IGF2BP2: variants seen among roughly 807,000 people sequenced by gnomAD.
IGF2BP2 encodes the protein insulin like growth factor 2 mRNA binding protein 2.
A neutral mutation model predicts 75.8 loss-of-function variants in IGF2BP2; 17 were observed. That is an observed-to-expected ratio of 0.22 (90% CI 0.15 to 0.34). The LOEUF (loss-of-function observed/expected upper bound fraction) is 0.34. Among genes scored for constraint, IGF2BP2 ranks in the 10% least tolerant of loss-of-function variants. The pLI, the probability that IGF2BP2 is intolerant of heterozygous loss-of-function variation, is 1.00. For synonymous variants in IGF2BP2, 288 were observed against 295.6 expected (o/e 0.97, Z 0.26); for missense variants, 516 against 772.4 (o/e 0.67, Z 3.93).
intron 2 of IGF2BP2, among the ~76,000 whole-genome samples, chr3:185,754,543 C>G (rs1330687303): frequency 1.3e-5 from 2 of 152,086 alleles, no homozygotes; most frequent in Non-Finnish European, 2.9e-5. Context: ...GGGTAATGGG[C>G]AGAGGATGGA....
chr3:185,788,162 G>T (rs1460021785), intron 2 of IGF2BP2, among the ~76,000 whole-genome samples: 1 of 152,126 alleles, frequency 6.6e-6, no homozygotes, highest in Non-Finnish European at 1.5e-5. Flanking sequence ...GTATTTGGGA[G>T]ACCCCACATT....
At chr3:185,661,493 C>T (rs975890428) in intron 10 of IGF2BP2, among the ~76,000 whole-genome samples, 9 of 151,826 alleles carry the variant, frequency 5.9e-5, no homozygotes, top group African/African-American at 1.2e-4. Context: ...AAAAATTAGC[C>T]GGGCGTGGTG....
intron 10 of IGF2BP2, among the ~76,000 whole-genome samples, chr3:185,662,317 A>G (rs1294979527): frequency 6.6e-6 from 1 of 151,838 alleles, no homozygotes; most frequent in Admixed American, 6.6e-5. Flanking sequence ...ACTTCTACCC[A>G]AAATACAAAA....
At chr3:185,757,459 CTTTT>C (rs57417087) in intron 2 of IGF2BP2, among the ~76,000 whole-genome samples, 4 of 99,606 alleles carry the variant, frequency 4.0e-5, no homozygotes, top group Admixed American at 1.2e-4. Flanking sequence ...ATATCTCATA[CTTTT>C]TTTTTTTTTT....
chr3:185,768,203 CTT>C, intron 2 of IGF2BP2, among the ~76,000 whole-genome samples: 1 of 152,296 alleles, frequency 6.6e-6, no homozygotes, highest in South Asian at 2.1e-4. Context: ...TTATTTAGCT[CTT>C]TACCTCCTAC....
chr3:185,752,747 C>T (rs971774453), intron 2 of IGF2BP2, among the ~76,000 whole-genome samples: 5 of 152,012 alleles, frequency 3.3e-5, no homozygotes, highest in Admixed American at 3.3e-4. Context: ...CATGTGTGTG[C>T]CACCACACCC....
At chr3:185,801,489 CAAAA>C (rs35823870) in intron 2 of IGF2BP2, among the ~76,000 whole-genome samples, 4 of 51,660 alleles carry the variant, frequency 7.7e-5, no homozygotes, top group African/African-American at 6.7e-5. Context: ...AACTCCATCT[CAAAA>C]AAAAAAAAAA....
intron 2 of IGF2BP2, among the ~76,000 whole-genome samples, chr3:185,747,189 A>G (rs1202145110): frequency 6.6e-6 from 1 of 152,198 alleles, no homozygotes; most frequent in Admixed American, 6.5e-5. Flanking sequence ...TAACTTAACA[A>G]TTTATAAATA....
chr3:185,796,722 T>C (rs1041234776), intron 2 of IGF2BP2, among the ~76,000 whole-genome samples: 8 of 152,108 alleles, frequency 5.3e-5, no homozygotes, highest in Admixed American at 3.3e-4. Flanking sequence ...CAGAGTGTAG[T>C]ACCTGTATAC....
chr3:185,792,939 T>C (rs967905176), intron 2 of IGF2BP2, among the ~76,000 whole-genome samples: 3 of 151,886 alleles, frequency 2.0e-5, no homozygotes, highest in Admixed American at 6.6e-5. Flanking sequence ...CTCTTCCTCC[T>C]CTATCTCAGC....
At chr3:185,686,874 A>C (rs1220238792) in intron 7 of IGF2BP2, among the ~76,000 whole-genome samples, 183 bp downstream of exon 7, 1 of 152,080 alleles carries the variant, frequency 6.6e-6, no homozygotes, top group Admixed American at 6.6e-5. Flanking sequence ...AGCCATATGT[A>C]AATGCAAAAG....
intron 10 of IGF2BP2, among the ~76,000 whole-genome samples, chr3:185,665,380 G>A (rs1398585974): frequency 2.3e-5 from 3 of 128,824 alleles, no homozygotes; most frequent in Non-Finnish European, 3.4e-5. Context: ...GGAGAAGGAG[G>A]AGGAGGAGAA....
intron 2 of IGF2BP2, among the ~76,000 whole-genome samples, chr3:185,808,117 TAAAAA>T (rs1188624871): frequency 2.3e-5 from 3 of 128,070 alleles, no homozygotes; most frequent in South Asian, 2.6e-4. Flanking sequence ...TCGTTTCTTT[TAAAAA>T]AAAAAAAAAA....
chr3:185,786,704 G>A (rs1468004148), intron 2 of IGF2BP2, among the ~76,000 whole-genome samples: 1 of 152,132 alleles, frequency 6.6e-6, no homozygotes, highest in East Asian at 1.9e-4. Context: ...CACAAAGCCT[G>A]TTTGGTGGTC....
At chr3:185,771,317 T>A (rs1460632727) in intron 2 of IGF2BP2, among the ~76,000 whole-genome samples, 4 of 151,464 alleles carry the variant, frequency 2.6e-5, no homozygotes, top group Non-Finnish European at 1.5e-5. Context: ...GGTGCACGCC[T>A]ATAATCCCAG....
chr3:185,731,856 C>T (rs1351950734), intron 2 of IGF2BP2, among the ~76,000 whole-genome samples: 1 of 151,978 alleles, frequency 6.6e-6, no homozygotes, highest in African/African-American at 2.4e-5. Context: ...GGGGCGGGTG[C>T]CTGTAGTCCC....
intron 10 of IGF2BP2, among the ~76,000 whole-genome samples, chr3:185,666,294 T>C (rs972753567): frequency 1.3e-5 from 2 of 152,226 alleles, no homozygotes; most frequent in Non-Finnish European, 2.9e-5. Context: ...AGTAAAAGTT[T>C]AGTTAATTCT....
chr3:185,704,169 T>G (rs1241417435), intron 2 of IGF2BP2, among the ~76,000 whole-genome samples: 3 of 152,220 alleles, frequency 2.0e-5, no homozygotes, highest in African/African-American at 7.2e-5. Context: ...TTTCCTCATG[T>G]GCATTACCTG....
chr3:185,665,967 TAGATAGAC>T (rs925094526), intron 10 of IGF2BP2, among the ~76,000 whole-genome samples: 1 of 151,184 alleles, frequency 6.6e-6, no homozygotes, highest in Non-Finnish European at 1.5e-5. Context: ...ACTCTGTCTC[TAGATAGAC>T]AGATAGATAG....
Sources: gnomAD v4.1 joint callset for allele counts (sites outside exome capture counted in the v4.1 genomes callset) on GRCh38, gnomAD v4.1.1 for gene constraint, MANE v1.5 for transcripts, NCBI Gene and HGNC (gene_info 2026-07-23, HGNC 2026-07-21) for gene names.